PARP6: variants seen among roughly 807,000 people sequenced by gnomAD.
PARP6 encodes the protein poly(ADP-ribose) polymerase family member 6.
A neutral mutation model predicts 92.0 loss-of-function variants in PARP6; 27 were observed. The ratio of observed to expected loss-of-function variants is 0.29; its 90% CI spans 0.22 to 0.40. PARP6 has a LOEUF of 0.40. PARP6 is among the 10% of genes least tolerant of loss of function. The pLI, the probability that PARP6 is intolerant of heterozygous loss-of-function variation, is 1.00. For synonymous variants in PARP6, 272 were observed against 281.2 expected, an observed-to-expected ratio of 0.97 and a Z score of 0.33; for missense variants, 501 against 784.5, an observed-to-expected ratio of 0.64 and a Z score of 4.32.
chr15:72,249,912 A>G, intron 19 of PARP6, 108 bp downstream of exon 19: 1 of 715,420 alleles, frequency 1.4e-6, no homozygotes, highest in Non-Finnish European at 2.6e-6. Context: ...AAGACAGGTT[A>G]GGCTTGAGGA....
In PARP6 at chr15:72,242,206, C is replaced by T. The variant is rs1481826089; in HGVS notation, c.1656G>A (p.Gln552=). 73 of 1,613,948 alleles carry T rather than the reference C, an allele frequency of 4.5e-5. 1 individual carries two copies. In the East Asian group the frequency reaches 1.6e-3, roughly 34 times the overall value. The change falls in exon 22 of 24, where the codon CAG becomes CAA. Residue 552 remains glutamine (Q), a synonymous_variant. Transcript: ENST00000569795. The surrounding 1 kb of genome is among the most constrained non-coding windows in gnomAD (Gnocchi z 4.3). ...MNTIPQTRSI[Q]SRFLQSRNLN... ...GATTCCGACTCTGCAGGAACCGTGA[C>T]TGAATGGATCGGGTCTGGAAGAGAA...
intron 20 of PARP6, chr15:72,243,801 GA>G (rs1355913676): frequency 6.6e-6 from 1 of 152,222 alleles, no homozygotes; most frequent in East Asian, 1.9e-4. Flanking sequence ...GAGAGATGAA[GA>G]TGGAGATGAT....
intron 20 of PARP6, among the ~76,000 whole-genome samples, chr15:72,248,254 T>C (rs1002096632): frequency 3.9e-5 from 6 of 152,326 alleles, no homozygotes; most frequent in African/African-American, 1.4e-4. Context: ...CAGGTGTTAG[T>C]TCTTACCTGT....
At chr15:72,259,462 G>A (rs2085563522) in intron 11 of PARP6, 146 bp downstream of exon 11, 2 of 688,318 alleles carry the variant, frequency 2.9e-6, no homozygotes, top group Admixed American at 2.3e-5. Context: ...CTTGAAGATG[G>A]GAACAATGCC....
At chr15:72,258,438 A>T (rs1490603118) in intron 11 of PARP6, among the ~76,000 whole-genome samples, 4 of 152,238 alleles carry the variant, frequency 2.6e-5, no homozygotes. Context: ...TTGTTTATAT[A>T]GCACAGCATT....
chr15:72,243,216 T>G (rs2083258475), intron 20 of PARP6: 1 of 153,744 alleles, frequency 6.5e-6, no homozygotes, highest in Non-Finnish European at 1.4e-5. Context: ...CCTCAGAACA[T>G]TAGGGAACCA....
chr15:72,261,364 G>A (rs184214040), intron 9 of PARP6, among the ~76,000 whole-genome samples, 194 bp downstream of exon 9: 199 of 152,294 alleles, frequency 1.3e-3, no homozygotes, highest in African/African-American at 4.5e-3. Context: ...TTTACATAAA[G>A]GATTAGGTAT....
intron 7 of PARP6, 36 bp from the exon 8 acceptor site, chr15:72,264,657 AT>A (rs751996518): frequency 1.9e-6 from 3 of 1,545,248 alleles, no homozygotes; most frequent in Non-Finnish European, 2.7e-6. Context: ...GTAAGTACAT[AT>A]CTCTTGTCTT....
Position 72,259,628 on chromosome 15 carries a change from C to G in PARP6, c.790G>C (p.Glu264Gln). 6.2e-7 allele frequency: 1 copy of G among 1,614,038 alleles called. No individual in the cohort carries two copies. The highest frequency in any genetic ancestry group is 8.5e-7 in the Non-Finnish European group (1 of 1,179,968). Residue 264 changes from glutamate (E) to glutamine (Q), a missense_variant, in exon 11 of 24, where the codon GAG becomes CAG. Glu to Gln is a conservative substitution (Grantham distance 29). Around this residue, in one of 4 missense-constraint regions of PARP6, gnomAD observed 291 missense variants for 352.0 expected, o/e 0.83. Coordinates refer to ENST00000569795, the MANE Select transcript of PARP6 (RefSeq NM_001323532.2). ...SGHCKNIPTL[E>Q]YGFLVQIMKY... Reference sequence around the variant, plus strand: ...ATTACCTGAACGAGGAATCCATACTCCAGAGTGGGAATGTTCTTGCAGTGA... The same window carrying G: ...ATTACCTGAACGAGGAATCCATACTGCAGAGTGGGAATGTTCTTGCAGTGA...
intron 13 of PARP6, among the ~76,000 whole-genome samples, chr15:72,256,963 G>A (rs1207604643): frequency 1.3e-5 from 2 of 151,934 alleles, no homozygotes; most frequent in Non-Finnish European, 2.9e-5. Flanking sequence ...CTGCAGCCTC[G>A]ACCTCCTGAG....
Position 72,257,401 on chromosome 15 carries a change from A to T in PARP6, c.946T>A (p.Tyr316Asn). 1 of 1,614,128 alleles carries T rather than the reference A, an allele frequency of 6.2e-7. No homozygotes were observed. The change falls in exon 13 of 24, where the codon TAC becomes AAC. Residue 316 changes from tyrosine to asparagine, a missense_variant. Coordinates refer to ENST00000569795, the MANE Select transcript of PARP6 (RefSeq NM_001323532.2). ...CTRELCVFSFYTLGVMSGAAE... is the reference protein window; with the variant it reads ...CTRELCVFSFNTLGVMSGAAE... The stretch of plus-strand genomic sequence containing the variant: ...GCTCCAGACATGACGCCCAGTGTGT[A>T]GAAGGAGAAAACGCATAGTTCACGA...
chr15:72,264,715 T>C, intron 7 of PARP6, 94 bp from the exon 8 acceptor site: 1 of 941,844 alleles, frequency 1.1e-6, no homozygotes, highest in Non-Finnish European at 1.7e-6. Flanking sequence ...ATTCTAAAGA[T>C]CATAGCTGCT....
intron 20 of PARP6, 161 bp downstream of exon 20, chr15:72,249,084 A>T: frequency 2.3e-6 from 1 of 425,540 alleles, no homozygotes; most frequent in Non-Finnish European, 4.2e-6. Context: ...TAAATTTCTA[A>T]TAAGAAAATG....
chr15:72,254,442 G>A lies in PARP6; in HGVS notation c.1191+13C>T, dbSNP rs774506695. 1.4e-5 allele frequency: 23 copies of A among 1,598,136 alleles called. No homozygotes were observed. Among genetic ancestry groups the A allele is most frequent in the Admixed American group, 8.3e-5 (5 of 59,984 alleles). On this transcript the variant is annotated intron_variant, in intron 15 of 23. Coordinates refer to ENST00000569795, the MANE Select transcript of PARP6 (RefSeq NM_001323532.2). Reference sequence around the variant, plus strand: ...GCAGGCAAAGGAGAGGGGACAGAGAGAAGGCAGAATACCTGGGTCATCTCC... The same window carrying A: ...GCAGGCAAAGGAGAGGGGACAGAGAAAAGGCAGAATACCTGGGTCATCTCC...
intron 13 of PARP6, 48 bp from the exon 14 acceptor site, chr15:72,256,638 G>A: frequency 2.8e-6 from 4 of 1,419,284 alleles, no homozygotes; most frequent in Non-Finnish European, 3.7e-6. Context: ...TGATTTCCCA[G>A]TACTGGGAGT....
chr15:72,263,898 C>G (rs1026603041), intron 8 of PARP6, among the ~76,000 whole-genome samples: 3 of 151,836 alleles, frequency 2.0e-5, no homozygotes. Flanking sequence ...TGGTGGGTGA[C>G]TGTAATCCCA....
intron 20 of PARP6, chr15:72,243,713 G>A (rs1388319355): frequency 6.6e-6 from 1 of 152,164 alleles, no homozygotes; most frequent in African/African-American, 2.4e-5. Context: ...CTTTATCATA[G>A]GCCCAATCTT....
rs2086758519 is a variant in PARP6, at chr15:72,267,516, G to A, written c.-39C>T. ...CACACACACTCTCAGGTCAGTGCTA[G>A]GCAGCACCCCTCCATACCACTAGCC... On this transcript the variant is annotated 5_prime_UTR_variant, in exon 3 of 24. Transcript: ENST00000569795. 1 of 1,613,438 alleles carries A rather than the reference G, an allele frequency of 6.2e-7. No individual in the cohort carries two copies. The highest frequency in any genetic ancestry group is 2.2e-5 in the East Asian group (1 of 44,872).
chr15:72,249,404 T>C (rs2084046338), intron 19 of PARP6, 90 bp from the exon 20 acceptor site: 1 of 678,230 alleles, frequency 1.5e-6, no homozygotes, highest in African/African-American at 1.8e-5. Context: ...CAGCCCTCTG[T>C]CCCTCCTTCT....
Sources: allele counts gnomAD v4.1 joint callset (sites outside exome capture counted in the v4.1 genomes callset), GRCh38; gene constraint gnomAD v4.1.1; regional missense constraint gnomAD v4.1.1; non-coding constraint Gnocchi (gnomAD v3.1); transcripts MANE v1.5; gene names NCBI Gene and HGNC (gene_info 2026-07-23, HGNC 2026-07-21).